The following PCSK5 variants were observed in gnomAD, a reference collection of about 807,000 sequenced individuals.
The protein encoded by PCSK5 is proprotein convertase subtilisin/kexin type 5, also known as prohormone convertase 5.
PCSK5 carries 129 observed loss-of-function variants against 233.2 expected under a neutral mutation model. That is an observed-to-expected ratio of 0.55 (90% CI 0.48 to 0.64). The LOEUF (loss-of-function observed/expected upper bound fraction) is 0.64. Among genes scored for constraint, PCSK5 ranks in the 30% least tolerant of loss-of-function variants. The pLI is 0.00. For missense variants in PCSK5, 2,076 were observed against 2,430.1 expected, an observed-to-expected ratio of 0.85 and a Z score of 3.06; for synonymous variants, 825 against 879.2, an observed-to-expected ratio of 0.94 and a Z score of 1.09.
At position 76,289,490 on chromosome 9, in the gene PCSK5, CACACACACACACACACACACGCAACAT is replaced by C. The variant is rs1265912451; in HGVS notation, c.3143-2722_3143-2696del. Among the ~76,000 whole-genome samples, 13 of 131,686 alleles carry C rather than the reference CACACACACACACACACACACGCAACAT, an allele frequency of 9.9e-5. No homozygotes were observed. In the East Asian group the frequency reaches 2.2e-3, roughly 23 times the overall value. 86.4% of individuals were successfully genotyped at this position (131,686 alleles called of 152,430 possible). A position where few individuals can be genotyped will look rare whatever the true frequency, so the allele number is the denominator to read the frequency against. ...CTCACCACACACACACACACACACA[CACACACACACACACACACACGCAACAT>C]ACACACACACACACACACACACACA... On this transcript the variant is annotated intron_variant, in intron 24 of 37. Transcript: ENST00000674117.
chr9:76,236,626 A>C (rs1826260279), intron 22 of PCSK5, among the ~76,000 whole-genome samples: 2 of 152,222 alleles, frequency 1.3e-5, no homozygotes, highest in Non-Finnish European at 2.9e-5. Context: ...GAGCAGGGCT[A>C]CTCAAAATCT....
At chr9:76,272,267 A>G (rs1263979940) in intron 24 of PCSK5, among the ~76,000 whole-genome samples, 1 of 152,142 alleles carries the variant, frequency 6.6e-6, no homozygotes, top group African/African-American at 2.4e-5. Context: ...ACTTCTACCC[A>G]TCTCAACAAC....
At chr9:75,916,135 T>A (rs1822976517) in intron 1 of PCSK5, among the ~76,000 whole-genome samples, 1 of 152,216 alleles carries the variant, frequency 6.6e-6, no homozygotes. Flanking sequence ...AAGATATTAA[T>A]CTTAAAGTTA....
intron 5 of PCSK5, among the ~76,000 whole-genome samples, chr9:76,065,723 C>T (rs1673678662): frequency 6.6e-6 from 1 of 152,170 alleles, no homozygotes; most frequent in Admixed American, 6.5e-5. Flanking sequence ...AAAAAAATCT[C>T]TGCTGAGACC....
intron 2 of PCSK5, among the ~76,000 whole-genome samples, chr9:75,942,708 A>T (rs1253144940): frequency 6.6e-6 from 1 of 152,284 alleles, no homozygotes; most frequent in African/African-American, 2.4e-5. Context: ...AAGCACCATA[A>T]GTTGAAGCAA....
chr9:76,103,881 C>A (rs549250547), intron 8 of PCSK5, among the ~76,000 whole-genome samples: 1 of 152,088 alleles, frequency 6.6e-6, no homozygotes, highest in Non-Finnish European at 1.5e-5. Flanking sequence ...TTGGAGCATG[C>A]AAGATGTGCC....
At chr9:76,155,205 A>C (rs1163488665) in intron 10 of PCSK5, among the ~76,000 whole-genome samples, 1 of 152,148 alleles carries the variant, frequency 6.6e-6, no homozygotes, top group East Asian at 1.9e-4. Flanking sequence ...TTACATTCAT[A>C]TGTTTCTTTA....
intron 3 of PCSK5, among the ~76,000 whole-genome samples, chr9:75,987,023 T>A (rs1826544808): frequency 6.6e-6 from 1 of 152,232 alleles, no homozygotes; most frequent in South Asian, 2.1e-4. Context: ...TTGAAAGTTT[T>A]TATTGCTAAA....
intron 3 of PCSK5, among the ~76,000 whole-genome samples, chr9:76,008,157 C>T (rs995420803): frequency 7.9e-5 from 12 of 152,112 alleles, no homozygotes; most frequent in Non-Finnish European, 1.2e-4. Flanking sequence ...CTTCCTTTTA[C>T]TTTTCTGCTG....
At chr9:75,963,153 G>C (rs2131347601) in intron 2 of PCSK5, among the ~76,000 whole-genome samples, 1 of 152,104 alleles carries the variant, frequency 6.6e-6, no homozygotes, top group East Asian at 1.9e-4. Context: ...AAAGTTAAAA[G>C]ATCAGATTGG....
intron 20 of PCSK5, among the ~76,000 whole-genome samples, chr9:76,218,407 C>T (rs1007952081): frequency 2.6e-5 from 4 of 152,298 alleles, no homozygotes; most frequent in African/African-American, 4.8e-5. Flanking sequence ...GCAACCAATA[C>T]ATTCCTCAGG....
chr9:76,299,706 A>G (rs1017482578), intron 27 of PCSK5, among the ~76,000 whole-genome samples: 1 of 152,118 alleles, frequency 6.6e-6, no homozygotes, highest in African/African-American at 2.4e-5. Context: ...ACAAAAATAT[A>G]TAATATTCGA....
At chr9:76,220,905 T>TC (rs1395568274) in intron 20 of PCSK5, among the ~76,000 whole-genome samples, 4 of 152,060 alleles carry the variant, frequency 2.6e-5, no homozygotes, top group Admixed American at 1.3e-4. Flanking sequence ...TTGACCAAAA[T>TC]CCCCCCAGTC....
At chr9:76,003,991 G>C (rs570328800) in intron 3 of PCSK5, among the ~76,000 whole-genome samples, 25 of 152,160 alleles carry the variant, frequency 1.6e-4, no homozygotes, top group African/African-American at 5.8e-4. Context: ...TTGTAGAGCA[G>C]GGTTTCGTGT....
intron 11 of PCSK5, among the ~76,000 whole-genome samples, chr9:76,157,409 C>T (rs1822636338): frequency 6.6e-6 from 1 of 152,140 alleles, no homozygotes; most frequent in Non-Finnish European, 1.5e-5. Flanking sequence ...TACCCCTGGG[C>T]TCTTGAAAGT....
chr9:76,359,095 G>A lies in PCSK5; in HGVS notation c.*173G>A. 2 of 599,700 alleles carry A rather than the reference G, an allele frequency of 3.3e-6. No homozygotes were observed. The highest frequency in any genetic ancestry group is 8.9e-4 in the Middle Eastern group (2 of 2,250). The allele number at this position is 599,700 out of a possible 1,614,324, so 37.1% of individuals were successfully genotyped here. ...TGATGAAATACTTTGTTCTTCTTTTGAGTGGCTAAACTCAATTAACAGTTC... is the reference window on the plus strand; with the variant it reads ...TGATGAAATACTTTGTTCTTCTTTTAAGTGGCTAAACTCAATTAACAGTTC... On this transcript the variant is annotated 3_prime_UTR_variant, in exon 38 of 38. Coordinates refer to ENST00000674117, the MANE Select transcript of PCSK5 (RefSeq NM_001372043.1).
At chr9:76,335,203 C>G (rs577739243) in intron 34 of PCSK5, among the ~76,000 whole-genome samples, 1 of 152,318 alleles carries the variant, frequency 6.6e-6, no homozygotes, top group South Asian at 2.1e-4. Flanking sequence ...AGTAAACACT[C>G]TCAAACACAA....
chr9:76,002,763 G>T (rs75077445), intron 3 of PCSK5, among the ~76,000 whole-genome samples: 1,738 of 152,204 alleles, frequency 0.011, 29 homozygotes, highest in African/African-American at 0.041. Context: ...TTGAACTCTG[G>T]CATGCCTCAC....
In PCSK5 at chr9:76,262,964, G is replaced by A. The variant is rs556188367; in HGVS notation, c.3142+22280G>A. Reference sequence around the variant, plus strand: ...AAAACAACCCCATCAAAAATTGGGCGAAGGACATGAACAGACACTTCTCAA... The same window carrying A: ...AAAACAACCCCATCAAAAATTGGGCAAAGGACATGAACAGACACTTCTCAA... On this transcript the variant is annotated intron_variant, in intron 24 of 37. Transcript: ENST00000674117. 2.3e-3 allele frequency among the ~76,000 whole-genome samples: 347 copies of A among 151,154 alleles called. 2 individuals carry two copies. Among genetic ancestry groups the A allele is most frequent in the African/African-American group, 7.9e-3 (327 of 41,302 alleles).
Sources: gnomAD v4.1 joint callset for allele counts (sites outside exome capture counted in the v4.1 genomes callset) on GRCh38, gnomAD v4.1.1 for gene constraint, MANE v1.5 for transcripts, NCBI Gene and HGNC (gene_info 2026-07-23, HGNC 2026-07-21) for gene names.